NHS: variants seen among roughly 807,000 people sequenced by gnomAD.
The protein encoded by NHS is actin remodeling regulator NHS.
NHS carries 5 observed loss-of-function variants against 72.5 expected under a neutral mutation model. That is an observed-to-expected ratio of 0.07 (90% CI 0.04 to 0.14). The LOEUF is 0.14. NHS is among the 10% of genes least tolerant of loss of function. The pLI is 1.00. For missense variants in NHS, 1,072 were observed against 1,355.7 expected (o/e 0.79, Z 3.29); for synonymous variants, 464 against 547.7 (o/e 0.85, Z 2.13).
At position 17,687,723 on chromosome X, in the gene NHS, C is replaced by A; in HGVS notation, c.566-19C>A. The A allele has an allele frequency of 9.1e-7, 1 of 1,098,011 alleles. No homozygotes were observed. The allele number at this position is 1,098,011 out of a possible 1,213,427, so 90.5% of individuals were successfully genotyped here. A position where few individuals can be genotyped will look rare whatever the true frequency, so the allele number is the denominator to read the frequency against. On this transcript the variant is annotated intron_variant, in intron 1 of 8. Transcript: ENST00000676302. The stretch of plus-strand genomic sequence containing the variant: ...ACTTAAAGCCACTGATGGACAACGC[C>A]CTGTTTCTTGTCTTGCAGCCGTCTC...
At chrX:17,438,793 G>A (rs767258097) in intron 1 of NHS, among the ~76,000 whole-genome samples, 2 of 111,447 alleles carry the variant, frequency 1.8e-5, no homozygotes, top group African/African-American at 3.3e-5. Flanking sequence ...CCAAACTAAC[G>A]AAATTTAATC....
chrX:17,610,136 A>G (rs954919675), intron 1 of NHS, among the ~76,000 whole-genome samples: 10 of 112,106 alleles, frequency 8.9e-5, no homozygotes, highest in East Asian at 5.6e-4. Flanking sequence ...CGAATAGTCA[A>G]TGTTCCCTGG....
intron 8 of NHS, among the ~76,000 whole-genome samples, chrX:17,730,386 A>AT (rs766644162): frequency 6.4e-4 from 72 of 112,224 alleles, no homozygotes; most frequent in Non-Finnish European, 1.2e-3. Context: ...TGATGATAAC[A>AT]TTTTTTGTGT....
intron 1 of NHS, among the ~76,000 whole-genome samples, chrX:17,539,360 G>C (rs201283427): frequency 9.1e-6 from 1 of 109,593 alleles, no homozygotes; most frequent in East Asian, 2.9e-4. Context: ...CTGCGACATA[G>C]CATATAATTG....
At chrX:17,677,717 G>A (rs2066092085) in intron 1 of NHS, among the ~76,000 whole-genome samples, 1 of 112,068 alleles carries the variant, frequency 8.9e-6, no homozygotes, top group African/African-American at 3.2e-5. Context: ...AATGCTGGGA[G>A]AATGGGTAAA....
intron 1 of NHS, among the ~76,000 whole-genome samples, chrX:17,650,097 T>A (rs1014489184): frequency 1.8e-5 from 2 of 112,097 alleles, no homozygotes; most frequent in African/African-American, 6.5e-5. Context: ...TAGGTAAACA[T>A]AAGGAGAGAA....
At chrX:17,635,540 C>T (rs968917572) in intron 1 of NHS, 51 of 1,166,207 alleles carry the variant, frequency 4.4e-5, no homozygotes, top group Middle Eastern at 4.7e-4. Context: ...AAGGCCCTTC[C>T]TTAAGGAGCA....
chrX:17,454,316 A>G (rs936646966), intron 1 of NHS, among the ~76,000 whole-genome samples: 1 of 111,829 alleles, frequency 8.9e-6, no homozygotes, highest in African/African-American at 3.3e-5. Context: ...ACCACAGAAA[A>G]CATGGGCTAC....
At chrX:17,640,317 T>C (rs2065874602) in intron 1 of NHS, among the ~76,000 whole-genome samples, 1 of 111,722 alleles carries the variant, frequency 9.0e-6, no homozygotes, top group Admixed American at 9.5e-5. Flanking sequence ...GAAACTCCAC[T>C]CTCCTGAAGG....
chrX:17,478,778 A>G (rs1286588338), intron 1 of NHS, among the ~76,000 whole-genome samples: 13 of 112,169 alleles, frequency 1.2e-4, no homozygotes, highest in African/African-American at 4.2e-4. Context: ...GATGCTGGAA[A>G]TGTTCTGCAT....
intron 1 of NHS, among the ~76,000 whole-genome samples, chrX:17,430,501 T>TA (rs1216761279): frequency 6.6e-5 from 7 of 106,408 alleles, no homozygotes; most frequent in Non-Finnish European, 1.2e-4. Flanking sequence ...ATGTTTATTT[T>TA]AAAAAACATT....
At chrX:17,540,781 T>C (rs1019275670) in intron 1 of NHS, among the ~76,000 whole-genome samples, 2 of 112,434 alleles carry the variant, frequency 1.8e-5, no homozygotes, top group Non-Finnish European at 3.8e-5. Flanking sequence ...TCACACTGAT[T>C]GAATGTTTAT....
intron 3 of NHS, 64 bp downstream of exon 3, chrX:17,692,532 G>A: frequency 2.5e-6 from 3 of 1,190,658 alleles, no homozygotes; most frequent in Non-Finnish European, 3.4e-6. Context: ...TTGTCTGGGA[G>A]TCAGTTTCCT....
intron 1 of NHS, among the ~76,000 whole-genome samples, chrX:17,578,642 A>G (rs997442611): frequency 1.8e-5 from 2 of 112,360 alleles, no homozygotes; most frequent in African/African-American, 6.5e-5. Context: ...ATTAGCAACA[A>G]GAAGTAAGGC....
intron 1 of NHS, among the ~76,000 whole-genome samples, chrX:17,453,318 C>T (rs1482979417): frequency 9.0e-6 from 1 of 111,394 alleles, no homozygotes; most frequent in East Asian, 2.8e-4. Flanking sequence ...GCATGGGGTT[C>T]AGGAAAAAAT....
At chrX:17,409,780 A>T (rs1249279137) in intron 1 of NHS, among the ~76,000 whole-genome samples, 2 of 111,928 alleles carry the variant, frequency 1.8e-5, no homozygotes, top group Non-Finnish European at 3.8e-5. Flanking sequence ...GGCCACATCC[A>T]ACCTCAAAGA....
chrX:17,507,432 A>G (rs1283174250), intron 1 of NHS, among the ~76,000 whole-genome samples: 3 of 111,505 alleles, frequency 2.7e-5, no homozygotes. Flanking sequence ...AAACACAAAT[A>G]CCTAAAAAAA....
At chrX:17,628,369 GTGT>G (rs1207958359) in intron 1 of NHS, among the ~76,000 whole-genome samples, 3 of 112,158 alleles carry the variant, frequency 2.7e-5, no homozygotes, top group Admixed American at 9.4e-5. Flanking sequence ...GAAGGTTAGA[GTGT>G]TGTTTTCAAC....
chrX:17,482,414 G>A (rs2064949808), intron 1 of NHS, among the ~76,000 whole-genome samples: 1 of 112,448 alleles, frequency 8.9e-6, no homozygotes, highest in African/African-American at 3.2e-5. Context: ...CAGCAAAATT[G>A]TTTACTTCCT....
Sources: allele counts gnomAD v4.1 joint callset (sites outside exome capture counted in the v4.1 genomes callset), GRCh38; gene constraint gnomAD v4.1.1; transcripts MANE v1.5; gene names NCBI Gene and HGNC (gene_info 2026-07-23, HGNC 2026-07-21).